The following MEG3 variants were observed in gnomAD, a reference collection of about 807,000 sequenced individuals.
MEG3 encodes the protein Very putative protein from MEG3 locus.
chr14:100,852,151 C>T (rs538605082), intron 3 of MEG3: 11 of 361,112 alleles, frequency 3.0e-5, no homozygotes, highest in South Asian at 2.0e-4. Context: ...ACTCTGTAGA[C>T]GCTGGGTGGG....
intron 3 of MEG3, chr14:100,848,152 T>C (rs979634291): frequency 1.3e-5 from 2 of 152,020 alleles, no homozygotes; most frequent in Non-Finnish European, 2.9e-5. Context: ...AGAGGTAATA[T>C]ATTAAGGAAT....
At chr14:100,827,278 T>C (rs2037264642) in intron 1 of MEG3, 1 of 127,022 alleles carries the variant, frequency 7.9e-6, no homozygotes, top group South Asian at 2.5e-4. Context: ...GGCAGGTTTC[T>C]GGAAGGTTTC....
downstream of MEG3, chr14:100,832,528 T>C (rs574003754): frequency 2.0e-5 from 3 of 152,752 alleles, no homozygotes; most frequent in South Asian, 2.1e-4. Flanking sequence ...TCTCGGGCCT[T>C]GTCGAAGGAA....
In MEG3 at chr14:100,837,550, C is replaced by T. The variant is rs1015224735; in HGVS notation, n.3045+1250C>T. ...GCCAATACTCCCCTCTGGACGCCCA[C>T]GAATGGGGTCTCTGAGAAGGAAGTG... On this transcript the variant is annotated intron_variant and non_coding_transcript_variant, in intron 2 of 3. Transcript: ENST00000398461. The surrounding 1 kb of genome is among the most constrained non-coding windows in gnomAD (Gnocchi z 5.8). Among the ~76,000 whole-genome samples, 5 of 152,052 alleles carry T rather than the reference C, an allele frequency of 3.3e-5. No individual in the cohort carries two copies. Among genetic ancestry groups the T allele is most frequent in the African/African-American group, 9.7e-5 (4 of 41,384 alleles).
rs552738314 is a variant in MEG3, at chr14:100,826,950, G to A, written n.372-1758G>A. Among the ~76,000 whole-genome samples the A allele has an allele frequency of 3.7e-4, 57 of 152,006 alleles. No individual in the cohort carries two copies. The South Asian group carries it at 9.8e-3, about 26-fold the overall frequency. ...TGCCGAAGGGGGGTCGTGGGATTGG[G>A]GGCACTGGGAGAATAGATGCAGGGG... On this transcript the variant is annotated intron_variant and non_coding_transcript_variant, in intron 1 of 2. Coordinates refer to ENST00000556407, the Ensembl canonical transcript of MEG3.
chr14:100,853,906 T>G (rs1035534479), upstream of MEG3: 1 of 152,222 alleles, frequency 6.6e-6, no homozygotes, highest in African/African-American at 2.4e-5. Context: ...TGAATTGGCC[T>G]TTGTATCTCT....
rs565630999 is a variant in MEG3, at chr14:100,860,614, C to T, written n.3113-135C>T. The T allele has an allele frequency of 8.8e-6, 4 of 455,896 alleles. No individual in the cohort carries two copies. The East Asian group carries it at 2.8e-4, about 32-fold the overall frequency. The allele number at this position is 455,896 out of a possible 1,614,324, so 28.2% of individuals were successfully genotyped here. ...TCCTCTCCCTCCCTCCTGGGGCCTG[C>T]CTGTCTGTCTGTGAACTCTTGTCGG... On this transcript the variant is annotated intron_variant and non_coding_transcript_variant, in intron 1 of 1. Coordinates refer to the MEG3 transcript ENST00000398460.
At chr14:100,841,061 G>T (rs184364973) in intron 2 of MEG3, among the ~76,000 whole-genome samples, 38 of 152,322 alleles carry the variant, frequency 2.5e-4, no homozygotes, top group African/African-American at 7.7e-4. Context: ...ATGGTGGCCC[G>T]CAGGGATGGT....
At chr14:100,832,910 G>C (rs781512700), downstream of MEG3, 4 of 152,210 alleles carry the variant, frequency 2.6e-5, no homozygotes, top group African/African-American at 9.7e-5. Flanking sequence ...GCTGAGGACT[G>C]GGGGGGCCAC....
intron 2 of MEG3, among the ~76,000 whole-genome samples, chr14:100,836,830 G>A (rs1342757607): frequency 7.0e-6 from 1 of 142,768 alleles, no homozygotes; most frequent in Admixed American, 7.2e-5. Flanking sequence ...TAATCAAATA[G>A]TGGTTTTTGA....
intron 2 of MEG3, among the ~76,000 whole-genome samples, chr14:100,840,568 C>G (rs943347913): frequency 1.3e-5 from 2 of 152,140 alleles, no homozygotes; most frequent in Non-Finnish European, 1.5e-5. Context: ...GTGTTCCCTC[C>G]CAGGGGTTGT....
At chr14:100,850,181 G>A (rs12431495) in intron 3 of MEG3, 40,207 of 152,114 alleles carry the variant, frequency 0.26, 6,166 homozygotes, top group Non-Finnish European at 0.34. Flanking sequence ...ATGAGTGAGT[G>A]GATGAGAGAG....
exon 1 of MEG3, chr14:100,859,399 G>A (rs1237418724): frequency 2.0e-5 from 3 of 152,104 alleles, no homozygotes; most frequent in African/African-American, 7.2e-5. Flanking sequence ...ACTTCATCTG[G>A]ACCAACATGT....
intron 1 of MEG3, chr14:100,835,987 C>G (rs554142406): frequency 2.9e-6 from 1 of 342,326 alleles, no homozygotes; most frequent in Non-Finnish European, 5.6e-6. Flanking sequence ...TGGGGCTGCC[C>G]CTAACCCAGC....
rs7153819 is a variant in MEG3 at position 100,845,429 on chromosome 14, C to T, written n.3046-29C>T. ...CCTCGCCGGCCTGAGTGAGGTTCTA[C>T]TCTGTGACCTAGTGCCTTCTTGTTA... On this transcript the variant is annotated intron_variant and non_coding_transcript_variant, in intron 2 of 3. Coordinates refer to the MEG3 transcript ENST00000398461. This position sits in a 1 kb window ranked among gnomAD's most constrained non-coding sequence, Gnocchi z 5.2. The T allele has an allele frequency of 0.06, 27,545 of 455,632 alleles. 1,425 individuals are homozygous for T. The highest frequency in any genetic ancestry group is 0.18 in the African/African-American group (9,201 of 50,120). 28.2% of individuals were successfully genotyped at this position (455,632 alleles called of 1,614,324 possible).
exon 1 of MEG3, chr14:100,858,127 T>G (rs1251821902): frequency 1.2e-4 from 18 of 152,352 alleles, no homozygotes; most frequent in Admixed American, 1.2e-3. Flanking sequence ...AACCTGTGCA[T>G]TTTTGAGTCC....
chr14:100,831,267 G>A (rs1354274382), downstream of MEG3: 1 of 153,158 alleles, frequency 6.5e-6, no homozygotes, highest in Non-Finnish European at 1.5e-5. Flanking sequence ...TGTTCCCTGA[G>A]TTCTAGAGGA....
intron 1 of MEG3, among the ~76,000 whole-genome samples, chr14:100,828,385 C>T (rs909532247): frequency 1.3e-5 from 2 of 151,258 alleles, no homozygotes; most frequent in African/African-American, 4.9e-5. Flanking sequence ...CACCCTTTCT[C>T]ATTTCCTCGT....
At chr14:100,827,814 G>T (rs950595532) in intron 1 of MEG3, among the ~76,000 whole-genome samples, 1 of 152,226 alleles carries the variant, frequency 6.6e-6, no homozygotes, top group African/African-American at 2.4e-5. Context: ...TGACAGCGGT[G>T]CCTGGAGGAC....
Sources: allele counts gnomAD v4.1 joint callset (sites outside exome capture counted in the v4.1 genomes callset), GRCh38; gene constraint gnomAD v4.1.1; non-coding constraint Gnocchi (gnomAD v3.1); transcripts MANE v1.5; gene names NCBI Gene and HGNC (gene_info 2026-07-23, HGNC 2026-07-21).